Variants in RANBP2 observed in about 807,000 individuals in gnomAD.
RANBP2 encodes RAN binding protein 2.
RANBP2 carries 57 observed loss-of-function variants against 303.6 expected under a neutral mutation model. The ratio of observed to expected loss-of-function variants is 0.19; its 90% confidence interval spans 0.15 to 0.23. The LOEUF (loss-of-function observed/expected upper bound fraction) is 0.23. Among genes scored for constraint, RANBP2 ranks in the 10% least tolerant of loss-of-function variants. RANBP2 has a pLI of 1.00. For missense variants in RANBP2, 3,138 were observed against 3,780.8 expected (o/e 0.83, Z 4.46); for synonymous variants, 1,167 against 1,301.5 (o/e 0.90, Z 2.23).
the RANBP2 span, among the ~76,000 whole-genome samples, chr2:109,276,210 C>A: frequency 6.6e-6 from 1 of 152,172 alleles, no homozygotes; most frequent in Non-Finnish European, 1.5e-5. Context: ...CCCACATCAC[C>A]ATATGTGTGA....
intron 9 of RANBP2, among the ~76,000 whole-genome samples, chr2:108,750,336 G>T (rs1675775119): frequency 1.3e-5 from 2 of 152,066 alleles, no homozygotes; most frequent in African/African-American, 4.8e-5. Flanking sequence ...TAATTTGCTT[G>T]CTACTTTCTG....
the RANBP2 span, among the ~76,000 whole-genome samples, chr2:109,569,114 T>G: frequency 6.6e-6 from 1 of 152,076 alleles, no homozygotes; most frequent in East Asian, 1.9e-4. Flanking sequence ...CAGTAAAACC[T>G]CAATGTAATT....
the RANBP2 span, among the ~76,000 whole-genome samples, chr2:109,078,098 A>ATATATATATATATATATGGCG: frequency 1.6e-3 from 98 of 60,048 alleles, 4 homozygotes; most frequent in African/African-American, 5.5e-3. Context: ...ATATATATAT[A>ATATATATATATATATATGGCG]TATATATATA....
the RANBP2 span, among the ~76,000 whole-genome samples, chr2:109,035,392 C>T: frequency 6.6e-6 from 1 of 152,046 alleles, no homozygotes; most frequent in African/African-American, 2.4e-5. Context: ...CAGAAGAAGA[C>T]TCTGAAAGCT....
chr2:109,629,211 T>TAAAG, the RANBP2 span, among the ~76,000 whole-genome samples: 11 of 121,488 alleles, frequency 9.1e-5, no homozygotes, highest in African/African-American at 2.9e-4. Context: ...CAAAAATAAA[T>TAAAG]AAATAAATAA....
At chr2:109,298,134 G>A in the RANBP2 span, among the ~76,000 whole-genome samples, 1 of 152,180 alleles carries the variant, frequency 6.6e-6, no homozygotes, top group African/African-American at 2.4e-5. Context: ...AGGGCATTGT[G>A]GCAGTAGCCA....
At chr2:109,120,388 A>C in the RANBP2 span, among the ~76,000 whole-genome samples, 1 of 152,206 alleles carries the variant, frequency 6.6e-6, no homozygotes, top group African/African-American at 2.4e-5. Context: ...ACAGGTGAAT[A>C]TGCCACATTA....
chr2:109,427,416 C>T, the RANBP2 span, among the ~76,000 whole-genome samples: 1 of 152,122 alleles, frequency 6.6e-6, no homozygotes, highest in South Asian at 2.1e-4. Flanking sequence ...AATATTTGCT[C>T]TATTGGGGCA....
chr2:109,189,396 G>A, the RANBP2 span, among the ~76,000 whole-genome samples: 5 of 148,680 alleles, frequency 3.4e-5, no homozygotes, highest in Non-Finnish European at 5.9e-5. Flanking sequence ...TTTTTGAGAC[G>A]GAGTCTCTGT....
chr2:109,591,541 AAG>A, the RANBP2 span, among the ~76,000 whole-genome samples: 1 of 152,220 alleles, frequency 6.6e-6, no homozygotes, highest in African/African-American at 2.4e-5. Flanking sequence ...TATATGGAGA[AAG>A]AGGGAAAAAC....
chr2:109,465,579 C>T, the RANBP2 span, among the ~76,000 whole-genome samples: 3 of 152,154 alleles, frequency 2.0e-5, no homozygotes, highest in Admixed American at 6.5e-5. Context: ...CTAATGACAT[C>T]TGTATTAGGC....
chr2:109,110,879 C>T, the RANBP2 span, among the ~76,000 whole-genome samples: 1 of 152,208 alleles, frequency 6.6e-6, no homozygotes, highest in South Asian at 2.1e-4. Context: ...TGGCTAGAAG[C>T]AGAGGACTCT....
the RANBP2 span, among the ~76,000 whole-genome samples, chr2:109,258,875 G>C: frequency 6.6e-6 from 1 of 152,198 alleles, no homozygotes; most frequent in Non-Finnish European, 1.5e-5. Flanking sequence ...GATTTGACGA[G>C]AACACTCTGT....
chr2:109,262,986 C>T, the RANBP2 span, among the ~76,000 whole-genome samples: 5 of 151,752 alleles, frequency 3.3e-5, no homozygotes, highest in Non-Finnish European at 7.4e-5. Flanking sequence ...GTGCCCGCCA[C>T]CACACCTGGC....
chr2:108,760,110 T>C (rs1419725536), intron 18 of RANBP2, among the ~76,000 whole-genome samples: 1 of 152,154 alleles, frequency 6.6e-6, no homozygotes, highest in African/African-American at 2.4e-5. Context: ...TAAACATATA[T>C]CAAGATGGTC....
chr2:109,347,141 T>A, the RANBP2 span, among the ~76,000 whole-genome samples: 2 of 152,142 alleles, frequency 1.3e-5, no homozygotes, highest in Non-Finnish European at 2.9e-5. Flanking sequence ...ATTCAGTAGA[T>A]GAAGTAAAGA....
At chr2:109,088,105 A>C in the RANBP2 span, among the ~76,000 whole-genome samples, 4 of 152,230 alleles carry the variant, frequency 2.6e-5, no homozygotes, top group Middle Eastern at 3.4e-3. Context: ...TCTACTAAAA[A>C]TACAAAAATT....
the RANBP2 span, among the ~76,000 whole-genome samples, chr2:109,455,478 A>T: frequency 1.3e-5 from 2 of 152,160 alleles, no homozygotes; most frequent in South Asian, 4.1e-4. Context: ...TGTGGGACAC[A>T]TGTGTGCACC....
At chr2:109,558,807 T>C in the RANBP2 span, among the ~76,000 whole-genome samples, 3 of 152,176 alleles carry the variant, frequency 2.0e-5, no homozygotes, top group South Asian at 6.2e-4. Flanking sequence ...GATATAATAC[T>C]GAGGGACAGA....
Sources: allele counts gnomAD v4.1 joint callset (sites outside exome capture counted in the v4.1 genomes callset), GRCh38; gene constraint gnomAD v4.1.1; transcripts MANE v1.5; gene names NCBI Gene and HGNC (gene_info 2026-07-23, HGNC 2026-07-21).